The following PLEKHG5 variants were observed in gnomAD, a reference collection of about 807,000 sequenced individuals.
PLEKHG5 encodes pleckstrin homology and RhoGEF domain containing G5, also known as pleckstrin homology domain-containing family G member 5.
A neutral mutation model predicts 103.8 loss-of-function variants in PLEKHG5; 52 were observed. The ratio of observed to expected loss-of-function variants is 0.50; its 90% CI spans 0.40 to 0.63. The LOEUF is 0.63. PLEKHG5 is among the 30% of genes least tolerant of loss of function. PLEKHG5 has a pLI of 0.00. For synonymous variants in PLEKHG5, 592 were observed against 575.5 expected, an observed-to-expected ratio of 1.03 and a Z score of -0.41; for missense variants, 1,205 against 1,347.6, an observed-to-expected ratio of 0.89 and a Z score of 1.66.
At chr1:6,496,082 G>A (rs538262994), upstream of PLEKHG5, among the ~76,000 whole-genome samples, 1 of 152,318 alleles carries the variant, frequency 6.6e-6, no homozygotes, top group South Asian at 2.1e-4. Flanking sequence ...TCAGACCCAT[G>A]CCCAGGCCTG....
At chr1:6,516,860 A>ATGTG in intron 1 of PLEKHG5, among the ~76,000 whole-genome samples, 1 of 24,098 alleles carries the variant, frequency 4.1e-5, no homozygotes, top group African/African-American at 7.4e-5. Flanking sequence ...GTGTGTGTAT[A>ATGTG]TATGTGTATA....
chr1:6,467,506 G>A lies in PLEKHG5; in HGVS notation c.*57C>T. 4 of 1,572,308 alleles carry A rather than the reference G, an allele frequency of 2.5e-6. No individual in the cohort carries two copies. The highest frequency in any genetic ancestry group is 1.3e-5 in the African/African-American group (1 of 74,226). On this transcript the variant is annotated 3_prime_UTR_variant, in exon 21 of 21. Coordinates refer to ENST00000377728, the MANE Select transcript of PLEKHG5 (RefSeq NM_020631.6). ...CTGAAGCAGGTGCCGGCACGCCCCA[G>A]GAGGCAGGCTGTCTGCTGTCTCTTG...
At chr1:6,474,756 C>A in intron 5 of PLEKHG5, 169 bp from the exon 6 acceptor site, 1 of 717,248 alleles carries the variant, frequency 1.4e-6, no homozygotes, top group South Asian at 1.6e-5. Flanking sequence ...GACACCTGCC[C>A]GCAGAGGTGC....
chr1:6,483,947 A>G (rs2986749), intron 1 of PLEKHG5, among the ~76,000 whole-genome samples: 45,644 of 152,094 alleles, frequency 0.3, 11,683 homozygotes, highest in African/African-American at 0.7. Context: ...AATCCCTTCC[A>G]GGCCTCCTGA....
Position 6,491,563 on chromosome 1 carries a change from G to T in PLEKHG5, c.-88+74C>A, listed in dbSNP as rs1271638302. ...GGCCCAAACCTGGCCATTCCCTGGG[G>T]CATCCTGGTCTGCCGCTGCTCACCC... On this transcript the variant is annotated intron_variant, in intron 1 of 20. Coordinates refer to ENST00000377728, the MANE Select transcript of PLEKHG5 (RefSeq NM_020631.6). This position sits in a 1 kb window ranked among gnomAD's most constrained non-coding sequence, Gnocchi z 4.1. 2 of 763,270 alleles carry T rather than the reference G, an allele frequency of 2.6e-6. No individual in the cohort carries two copies. Among genetic ancestry groups the T allele is most frequent in the Non-Finnish European group, 3.2e-6 (2 of 627,892 alleles). The allele number at this position is 763,270 out of a possible 1,614,324, so 47.3% of individuals were successfully genotyped here. A position where few individuals can be genotyped will look rare whatever the true frequency, so the allele number is the denominator to read the frequency against.
rs1041420662 is a variant in PLEKHG5, at chr1:6,477,446, A to T, written c.43+83T>A. 4 of 1,375,526 alleles carry T rather than the reference A, an allele frequency of 2.9e-6. No individual in the cohort carries two copies. In the African/African-American group the frequency reaches 5.7e-5, roughly 20 times the overall value. 85.2% of individuals were successfully genotyped at this position (1,375,526 alleles called of 1,614,324 possible). A position where few individuals can be genotyped will look rare whatever the true frequency, so the allele number is the denominator to read the frequency against. Reference sequence around the variant, plus strand: ...TATTTACAGTCGACTTGTCCTTATGACGCCCTAGCACGTTTCCGACAGTTA... The same window carrying T: ...TATTTACAGTCGACTTGTCCTTATGTCGCCCTAGCACGTTTCCGACAGTTA... On this transcript the variant is annotated intron_variant, in intron 2 of 20. Transcript: ENST00000377728.
At chr1:6,492,138 G>A (rs1208693398), upstream of PLEKHG5, among the ~76,000 whole-genome samples, 2 of 152,224 alleles carry the variant, frequency 1.3e-5, no homozygotes, top group Admixed American at 6.5e-5. Context: ...ACCGCAGCGG[G>A]GGAGGCGGCC....
At chr1:6,498,067 T>C (rs2148628876), upstream of PLEKHG5, among the ~76,000 whole-genome samples, 1 of 149,050 alleles carries the variant, frequency 6.7e-6, no homozygotes, top group South Asian at 2.2e-4. Context: ...TGCCCGGTCC[T>C]GTAGTTTATG....
At position 6,490,436 on chromosome 1, in the gene PLEKHG5, G is replaced by A. The variant is rs1398587543; in HGVS notation, c.-88+1201C>T. ...TCCGGAGCGCAGCTCCCACTTCCCC[G>A]CGACTCACCTAGGAACAGGACCAGG... On this transcript the variant is annotated intron_variant, in intron 1 of 20. Transcript: ENST00000377728. This position sits in a 1 kb window ranked among gnomAD's most constrained non-coding sequence, Gnocchi z 8.0. 6.1e-6 allele frequency: 6 copies of A among 984,942 alleles called. No individual in the cohort carries two copies. The highest frequency in any genetic ancestry group is 7.2e-6 in the Non-Finnish European group (6 of 829,766). 61.0% of individuals were successfully genotyped at this position (984,942 alleles called of 1,614,324 possible).
intron 1 of PLEKHG5, among the ~76,000 whole-genome samples, chr1:6,480,194 G>T (rs1644863575): frequency 6.6e-6 from 1 of 151,992 alleles, no homozygotes; most frequent in Non-Finnish European, 1.5e-5. Flanking sequence ...AGGAGTTCAA[G>T]ACCAGCCTGG....
intron 1 of PLEKHG5, among the ~76,000 whole-genome samples, chr1:6,503,651 C>A (rs1210442253): frequency 6.6e-6 from 1 of 152,126 alleles, no homozygotes; most frequent in African/African-American, 2.4e-5. Context: ...CTTAGGTGAT[C>A]CACCCGCCTC....
At chr1:6,493,520 C>T (rs188931113), upstream of PLEKHG5, among the ~76,000 whole-genome samples, 405 of 152,298 alleles carry the variant, frequency 2.7e-3, 1 homozygote, top group African/African-American at 8.8e-3. Context: ...GCCTCCGTTT[C>T]CTTACAAGTC....
chr1:6,489,460 G>A (rs1385387399), intron 1 of PLEKHG5, among the ~76,000 whole-genome samples: 1 of 152,218 alleles, frequency 6.6e-6, no homozygotes, highest in Non-Finnish European at 1.5e-5. Context: ...CTGGAAGCCA[G>A]GAAGGCCCCT....
intron 15 of PLEKHG5, 41 bp downstream of exon 15, chr1:6,470,465 C>T: frequency 1.2e-6 from 2 of 1,611,024 alleles, no homozygotes; most frequent in Non-Finnish European, 1.7e-6. Context: ...CTGGGCCTTC[C>T]TCTCTCCCAG....
intron 5 of PLEKHG5, 93 bp from the exon 6 acceptor site, chr1:6,474,680 G>GC (rs1644707120): frequency 2.0e-6 from 2 of 1,009,902 alleles, no homozygotes; most frequent in African/African-American, 6.4e-5. Flanking sequence ...CCCACCCACA[G>GC]CCCCAGCTGC....
At chr1:6,506,972 G>A (rs900728253) in intron 1 of PLEKHG5, among the ~76,000 whole-genome samples, 2 of 152,230 alleles carry the variant, frequency 1.3e-5, no homozygotes, top group Non-Finnish European at 2.9e-5. Context: ...CCCGAGCGGC[G>A]GGTGGAGCTG....
At chr1:6,488,195 G>A (rs759939950) in intron 1 of PLEKHG5, among the ~76,000 whole-genome samples, 3 of 152,216 alleles carry the variant, frequency 2.0e-5, no homozygotes, top group Non-Finnish European at 4.4e-5. Flanking sequence ...CATCGTGGGA[G>A]TTCCAGGCAG....
intron 1 of PLEKHG5, among the ~76,000 whole-genome samples, chr1:6,503,766 C>T (rs776197845): frequency 7.2e-5 from 11 of 152,164 alleles, no homozygotes; most frequent in Admixed American, 6.5e-5. Context: ...GCCCTCTCTA[C>T]GTTAGCTCTG....
chr1:6,489,159 G>T (rs1438452403), intron 1 of PLEKHG5, among the ~76,000 whole-genome samples: 1 of 152,170 alleles, frequency 6.6e-6, no homozygotes, highest in Non-Finnish European at 1.5e-5. Flanking sequence ...CCAAGGCTAA[G>T]CTCCCCTGGG....
Sources: gnomAD v4.1 joint callset for allele counts (sites outside exome capture counted in the v4.1 genomes callset) on GRCh38, gnomAD v4.1.1 for gene constraint, Gnocchi (gnomAD v3.1) non-coding constraint, MANE v1.5 for transcripts, NCBI Gene and HGNC (gene_info 2026-07-23, HGNC 2026-07-21) for gene names.